The following SGCZ variants were observed in gnomAD, a reference collection of about 807,000 sequenced individuals.
The protein encoded by SGCZ is zeta-sarcoglycan.
SGCZ carries 40 observed loss-of-function variants against 41.3 expected under a neutral mutation model. The observed-to-expected ratio is 0.97, with a 90% CI of 0.75 to 1.26. The LOEUF (loss-of-function observed/expected upper bound fraction) is 1.26. SGCZ is among the 50% of genes most tolerant of loss of function. The pLI, the probability that SGCZ is intolerant of heterozygous loss-of-function variation, is 0.00. For missense variants in SGCZ, 552 were observed against 369.8 expected (o/e 1.49, Z -4.04); for synonymous variants, 206 against 137.5 (o/e 1.50, Z -3.49).
intron 5 of SGCZ, among the ~76,000 whole-genome samples, chr8:14,122,037 G>A (rs1802712099): frequency 6.6e-6 from 1 of 152,170 alleles, no homozygotes; most frequent in Non-Finnish European, 1.5e-5. Context: ...CCAGCACTTT[G>A]GGAGGCCGAG....
At chr8:14,395,861 T>C (rs561288647) in intron 2 of SGCZ, among the ~76,000 whole-genome samples, 4 of 151,826 alleles carry the variant, frequency 2.6e-5, no homozygotes, top group African/African-American at 9.7e-5. Context: ...GTGGAATCAC[T>C]ACTTAAAGTT....
intron 1 of SGCZ, among the ~76,000 whole-genome samples, chr8:14,792,682 G>C (rs575352094): frequency 6.0e-4 from 91 of 152,050 alleles, no homozygotes; most frequent in Non-Finnish European, 1.0e-3. Flanking sequence ...TCATCGTTTA[G>C]CATTAGGTAT....
chr8:14,715,567 C>A (rs1443849619), intron 1 of SGCZ, among the ~76,000 whole-genome samples: 1 of 148,912 alleles, frequency 6.7e-6, no homozygotes, highest in Non-Finnish European at 1.5e-5. Flanking sequence ...CACAAACATG[C>A]ACACATAAAA....
At chr8:14,670,030 A>G (rs1303503930) in intron 1 of SGCZ, among the ~76,000 whole-genome samples, 3 of 152,228 alleles carry the variant, frequency 2.0e-5, no homozygotes, top group South Asian at 2.1e-4. Flanking sequence ...CTAAGTTTAT[A>G]TCTTTTTCAG....
chr8:14,585,769 G>T (rs1213068671), intron 1 of SGCZ, among the ~76,000 whole-genome samples: 1 of 152,064 alleles, frequency 6.6e-6, no homozygotes, highest in Non-Finnish European at 1.5e-5. Flanking sequence ...TGCCACAAAA[G>T]AGGTAAGATG....
chr8:14,169,398 A>C (rs538004027), intron 4 of SGCZ, among the ~76,000 whole-genome samples: 38 of 152,276 alleles, frequency 2.5e-4, no homozygotes, highest in African/African-American at 7.0e-4. Flanking sequence ...AGCCAACTCC[A>C]ATCAGGCATT....
rs144933268 is a variant in SGCZ at position 14,397,730 on chromosome 8, C to T, written c.235-73526G>A. ...GAATGTATCTGAGATCTGAGGAAAT[C>T]TTCCCAGTATTGCAAAAGCATACTA... On this transcript the variant is annotated intron_variant, in intron 2 of 7. Transcript: ENST00000382080. Among the ~76,000 whole-genome samples the T allele has an allele frequency of 8.9e-3, 1,361 of 152,224 alleles. 12 individuals carry two copies. Among genetic ancestry groups the T allele is most frequent in the African/African-American group, 0.019 (785 of 41,548 alleles).
chr8:15,081,760 T>A (rs890979450), intron 1 of SGCZ, among the ~76,000 whole-genome samples: 3 of 152,102 alleles, frequency 2.0e-5, no homozygotes, highest in Non-Finnish European at 4.4e-5. Context: ...GCTTAGAATG[T>A]GAGAGAAAAG....
chr8:14,277,881 G>C (rs962130465), intron 3 of SGCZ, among the ~76,000 whole-genome samples: 1 of 151,932 alleles, frequency 6.6e-6, no homozygotes, highest in Non-Finnish European at 1.5e-5. Context: ...AACCAGGAAA[G>C]ATTAACCACC....
intron 1 of SGCZ, among the ~76,000 whole-genome samples, chr8:14,956,118 C>T (rs1800784896): frequency 6.8e-6 from 1 of 147,166 alleles, no homozygotes; most frequent in African/African-American, 2.5e-5. Flanking sequence ...CTGCTCACTG[C>T]AACCTCCACC....
chr8:14,350,584 G>A (rs1056170485), intron 2 of SGCZ, among the ~76,000 whole-genome samples: 1 of 152,030 alleles, frequency 6.6e-6, no homozygotes, highest in Non-Finnish European at 1.5e-5. Flanking sequence ...ACATACAGAG[G>A]TGTAAGGTTC....
At chr8:14,542,404 C>G (rs559953130) in intron 2 of SGCZ, among the ~76,000 whole-genome samples, 55 of 152,078 alleles carry the variant, frequency 3.6e-4, no homozygotes, top group African/African-American at 1.3e-3. Flanking sequence ...GATGAAAATT[C>G]TTTTATTCAC....
chr8:15,215,368 A>C (rs535780359), intron 1 of SGCZ, among the ~76,000 whole-genome samples: 81 of 152,322 alleles, frequency 5.3e-4, no homozygotes, highest in African/African-American at 1.8e-3. Context: ...GAAAAATTCC[A>C]TTATCTGAAT....
At chr8:14,142,730 C>A (rs114120141) in intron 5 of SGCZ, among the ~76,000 whole-genome samples, 5,600 of 152,104 alleles carry the variant, frequency 0.037, 326 homozygotes, top group African/African-American at 0.13. Context: ...GGTGACGAGG[C>A]CATGGAGGTG....
intron 1 of SGCZ, among the ~76,000 whole-genome samples, chr8:15,016,389 G>A (rs564760032): frequency 2.0e-5 from 3 of 152,180 alleles, no homozygotes; most frequent in East Asian, 1.9e-4. Flanking sequence ...ATAACATGGC[G>A]ATGGTAGGTG....
chr8:15,053,856 A>G (rs1011485833), intron 1 of SGCZ, among the ~76,000 whole-genome samples: 6 of 152,172 alleles, frequency 3.9e-5, no homozygotes, highest in Non-Finnish European at 7.3e-5. Context: ...TTTGACATAA[A>G]CTGGCATTTC....
At position 14,361,681 on chromosome 8, in the gene SGCZ, T is replaced by A. The variant is rs1362802867; in HGVS notation, c.235-37477A>T. ...ACCGACCTTCGGAAGCCTACTTCTGTCAACTTGTCAAACCCATTCTCCGTC... is the reference window on the plus strand; with the variant it reads ...ACCGACCTTCGGAAGCCTACTTCTGACAACTTGTCAAACCCATTCTCCGTC... On this transcript the variant is annotated intron_variant, in intron 2 of 7. Transcript: ENST00000382080. Among the ~76,000 whole-genome samples, 3 of 152,188 alleles carry A rather than the reference T, an allele frequency of 2.0e-5. No individual in the cohort carries two copies. The East Asian group carries it at 5.8e-4, about 29-fold the overall frequency.
At chr8:14,658,070 C>T (rs549354849) in intron 1 of SGCZ, among the ~76,000 whole-genome samples, 10 of 152,238 alleles carry the variant, frequency 6.6e-5, no homozygotes, top group Admixed American at 2.0e-4. Context: ...ATGGACACAA[C>T]ATTATGCCAT....
chr8:15,147,478 A>G (rs1457528061), intron 1 of SGCZ, among the ~76,000 whole-genome samples: 2 of 152,106 alleles, frequency 1.3e-5, no homozygotes, highest in South Asian at 2.1e-4. Context: ...GGGATTCTCC[A>G]TGTTCGTCAG....
Sources: gnomAD v4.1 joint callset for allele counts (sites outside exome capture counted in the v4.1 genomes callset) on GRCh38, gnomAD v4.1.1 for gene constraint, MANE v1.5 for transcripts, NCBI Gene and HGNC (gene_info 2026-07-23, HGNC 2026-07-21) for gene names.